The following PLD5 variants were observed in gnomAD, a reference collection of about 807,000 sequenced individuals.
PLD5 encodes inactive phospholipase D5.
Under a neutral mutation model 61.1 loss-of-function variants are expected in PLD5, and 36 were observed. The ratio of observed to expected loss-of-function variants is 0.59; its 90% CI spans 0.45 to 0.78. The LOEUF is 0.78. Among genes scored for constraint, PLD5 ranks in the 30% least tolerant of loss-of-function variants. PLD5 has a pLI of 0.00. For missense variants in PLD5, 515 were observed against 644.4 expected, an observed-to-expected ratio of 0.80 and a Z score of 2.17; for synonymous variants, 243 against 242.8, an observed-to-expected ratio of 1.00 and a Z score of -0.01.
intron 4 of PLD5, among the ~76,000 whole-genome samples, chr1:242,258,768 C>T (rs1319253716): frequency 6.6e-6 from 1 of 152,114 alleles, no homozygotes; most frequent in Non-Finnish European, 1.5e-5. Flanking sequence ...GTAATGCATT[C>T]TGTTTCTTAA....
chr1:242,112,875 G>A (rs1479981509), intron 7 of PLD5, among the ~76,000 whole-genome samples: 1 of 152,180 alleles, frequency 6.6e-6, no homozygotes, highest in Non-Finnish European at 1.5e-5. Context: ...AAGCAAAAGT[G>A]GGAATACCTA....
intron 5 of PLD5, among the ~76,000 whole-genome samples, chr1:242,185,372 A>C (rs540126038): frequency 6.6e-6 from 1 of 152,374 alleles, no homozygotes; most frequent in African/African-American, 2.4e-5. Flanking sequence ...GGAAACTCCT[A>C]GAATGGAATT....
At chr1:242,288,948 A>G (rs1236982635) in intron 2 of PLD5, among the ~76,000 whole-genome samples, 2 of 152,122 alleles carry the variant, frequency 1.3e-5, no homozygotes, top group Non-Finnish European at 2.9e-5. Flanking sequence ...AGTTTTGCCT[A>G]TCTCCAGTTT....
intron 6 of PLD5, 91 bp from the exon 7 acceptor site, chr1:242,114,117 G>A: frequency 7.0e-7 from 1 of 1,421,586 alleles, no homozygotes; most frequent in South Asian, 1.4e-5. Context: ...ACCTTGGCTT[G>A]TAACTATATT....
intron 4 of PLD5, among the ~76,000 whole-genome samples, chr1:242,222,801 G>C (rs781539575): frequency 4.6e-5 from 7 of 152,316 alleles, no homozygotes; most frequent in African/African-American, 1.4e-4. Context: ...GATGATGGTC[G>C]TGTGTAACCC....
chr1:242,285,982 A>T (rs1455607235), intron 3 of PLD5, among the ~76,000 whole-genome samples: 1 of 151,664 alleles, frequency 6.6e-6, no homozygotes, highest in African/African-American at 2.4e-5. Context: ...GGTGGTGTGA[A>T]CCTGTAATCC....
intron 4 of PLD5, among the ~76,000 whole-genome samples, chr1:242,253,853 A>G (rs1419000391): frequency 6.6e-6 from 1 of 152,222 alleles, no homozygotes; most frequent in African/African-American, 2.4e-5. Context: ...ATGTGTTTAG[A>G]TGGGTACGAC....
intron 1 of PLD5, among the ~76,000 whole-genome samples, chr1:242,513,883 A>G (rs549762094): frequency 6.6e-6 from 1 of 152,324 alleles, no homozygotes; most frequent in East Asian, 1.9e-4. Flanking sequence ...GACTCACCAG[A>G]TCCAATTCAA....
intron 3 of PLD5, among the ~76,000 whole-genome samples, chr1:242,274,678 C>T (rs924369101): frequency 4.6e-5 from 7 of 151,860 alleles, no homozygotes; most frequent in South Asian, 2.1e-4. Flanking sequence ...GGCGTGAACC[C>T]GGGAAGCGGG....
chr1:242,314,954 T>C (rs562069098), intron 2 of PLD5, among the ~76,000 whole-genome samples: 2 of 152,202 alleles, frequency 1.3e-5, no homozygotes, highest in Non-Finnish European at 2.9e-5. Flanking sequence ...AAATGCTTCC[T>C]AATTTCTGTA....
chr1:242,166,957 G>T (rs1176110494), intron 5 of PLD5, among the ~76,000 whole-genome samples: 2 of 151,956 alleles, frequency 1.3e-5, no homozygotes, highest in Admixed American at 6.6e-5. Flanking sequence ...CTGATAAAAT[G>T]AAAGTTCCAA....
intron 2 of PLD5, among the ~76,000 whole-genome samples, chr1:242,307,341 A>ATGATGACAG (rs1558449610): frequency 2.4e-4 from 35 of 148,608 alleles, no homozygotes; most frequent in Non-Finnish European, 4.6e-4. Flanking sequence ...TAGCAAAACG[A>ATGATGACAG]TGATGACGGT....
chr1:242,228,874 G>A (rs529478455), intron 4 of PLD5, among the ~76,000 whole-genome samples: 1 of 152,278 alleles, frequency 6.6e-6, no homozygotes, highest in East Asian at 1.9e-4. Context: ...GACTTTCTGT[G>A]AGTTCCTCTA....
At chr1:242,214,586 A>C (rs1670029084) in intron 5 of PLD5, among the ~76,000 whole-genome samples, 1 of 152,246 alleles carries the variant, frequency 6.6e-6, no homozygotes, top group Middle Eastern at 3.4e-3. Flanking sequence ...AATTGCATCA[A>C]TTTTTCCACC....
intron 8 of PLD5, among the ~76,000 whole-genome samples, chr1:242,104,911 C>G (rs1250496340): frequency 1.4e-4 from 22 of 152,226 alleles, no homozygotes; most frequent in Admixed American, 1.4e-3. Flanking sequence ...GAATCTAACA[C>G]ATTCCTTCAC....
intron 4 of PLD5, among the ~76,000 whole-genome samples, chr1:242,241,614 G>A (rs1244985413): frequency 1.3e-5 from 2 of 151,936 alleles, no homozygotes; most frequent in Non-Finnish European, 1.5e-5. Flanking sequence ...TAAGCAAACT[G>A]TGTGGAATCA....
intron 5 of PLD5, among the ~76,000 whole-genome samples, chr1:242,126,890 A>G (rs1471833246): frequency 1.3e-5 from 2 of 152,228 alleles, no homozygotes; most frequent in Admixed American, 6.5e-5. Context: ...AGAGTGGGGG[A>G]AAATCTTCAC....
chr1:242,244,441 G>A (rs1672244321), intron 4 of PLD5, among the ~76,000 whole-genome samples: 2 of 152,208 alleles, frequency 1.3e-5, no homozygotes, highest in Admixed American at 1.3e-4. Context: ...ATTAGATACT[G>A]AAAGGAATTT....
intron 2 of PLD5, among the ~76,000 whole-genome samples, chr1:242,333,799 A>T (rs1309834984): frequency 1.3e-5 from 2 of 152,168 alleles, no homozygotes; most frequent in Non-Finnish European, 2.9e-5. Context: ...CTCCAGTTCC[A>T]TCCATGTTGC....
Sources: allele counts gnomAD v4.1 joint callset (sites outside exome capture counted in the v4.1 genomes callset), GRCh38; gene constraint gnomAD v4.1.1; transcripts MANE v1.5; gene names NCBI Gene and HGNC (gene_info 2026-07-23, HGNC 2026-07-21).